Variants in NMNAT3 observed in about 807,000 individuals in gnomAD.
The protein encoded by NMNAT3 is nicotinamide/nicotinic acid mononucleotide adenylyltransferase 3.
A neutral mutation model predicts 24.8 loss-of-function variants in NMNAT3; 21 were observed. That is an observed-to-expected ratio of 0.85 (90% confidence interval 0.60 to 1.22). The LOEUF is 1.22. Among genes scored for constraint, NMNAT3 ranks in the 50% most tolerant of loss-of-function variants. NMNAT3 has a pLI of 0.00. For synonymous variants in NMNAT3, 136 were observed against 155.2 expected, an observed-to-expected ratio of 0.88 and a Z score of 0.92; for missense variants, 387 against 436.6, an observed-to-expected ratio of 0.89 and a Z score of 1.01.
chr3:139,575,866 C>T, intron 5 of NMNAT3: 8 of 1,250,858 alleles, frequency 6.4e-6, no homozygotes, highest in African/African-American at 3.1e-5. Flanking sequence ...ACATCATGTT[C>T]CCAGCCTGCA....
intron 1 of NMNAT3, among the ~76,000 whole-genome samples, chr3:139,675,092 A>G (rs1388112942): frequency 6.9e-6 from 1 of 144,622 alleles, no homozygotes; most frequent in African/African-American, 2.6e-5. Flanking sequence ...AAATGCTTAA[A>G]TACATTAGTC....
chr3:139,610,655 A>G (rs1195069661), intron 3 of NMNAT3, among the ~76,000 whole-genome samples: 3 of 152,218 alleles, frequency 2.0e-5, no homozygotes, highest in Non-Finnish European at 4.4e-5. Flanking sequence ...TGCTGAGCTT[A>G]TATAATATTT....
At chr3:139,669,014 C>T (rs1039352768) in intron 1 of NMNAT3, among the ~76,000 whole-genome samples, 5 of 152,296 alleles carry the variant, frequency 3.3e-5, no homozygotes, top group South Asian at 2.1e-4. Context: ...GAACTTGCTA[C>T]GTGATTTACA....
At chr3:139,586,578 G>C (rs1308879910) in intron 3 of NMNAT3, among the ~76,000 whole-genome samples, 1 of 152,140 alleles carries the variant, frequency 6.6e-6, no homozygotes, top group Non-Finnish European at 1.5e-5. Context: ...ACCCAGCTGA[G>C]AGCAAGGAGG....
At chr3:139,644,632 A>G (rs1357039730) in intron 1 of NMNAT3, among the ~76,000 whole-genome samples, 1 of 152,172 alleles carries the variant, frequency 6.6e-6, no homozygotes, top group Non-Finnish European at 1.5e-5. Context: ...AGAAAAAAGG[A>G]CCATAAATAA....
chr3:139,636,903 T>C (rs1414637349), intron 2 of NMNAT3: 1 of 152,190 alleles, frequency 6.6e-6, no homozygotes, highest in East Asian at 1.9e-4. Context: ...AGAAAGAACA[T>C]GAGGGCAAGA....
chr3:139,596,942 A>C (rs201064080), intron 3 of NMNAT3, among the ~76,000 whole-genome samples: 1 of 127,582 alleles, frequency 7.8e-6, no homozygotes, highest in Non-Finnish European at 1.6e-5. Context: ...ATATATATAT[A>C]TATATATATA....
chr3:139,631,192 G>A (rs747237870), intron 2 of NMNAT3, among the ~76,000 whole-genome samples: 2 of 152,054 alleles, frequency 1.3e-5, no homozygotes, highest in African/African-American at 2.4e-5. Flanking sequence ...GGGCCATATC[G>A]CAGGCTGAAG....
At chr3:139,673,045 C>T (rs897629364) in intron 1 of NMNAT3, among the ~76,000 whole-genome samples, 10 of 152,242 alleles carry the variant, frequency 6.6e-5, no homozygotes, top group African/African-American at 2.4e-4. Context: ...TCAGCAGTGC[C>T]CTTCTTTCCT....
At chr3:139,591,015 C>T (rs1001816652) in intron 3 of NMNAT3, among the ~76,000 whole-genome samples, 6 of 152,192 alleles carry the variant, frequency 3.9e-5, no homozygotes, top group East Asian at 3.9e-4. Context: ...CCAGTGAGAG[C>T]GACACAGAAG....
intron 3 of NMNAT3, among the ~76,000 whole-genome samples, chr3:139,586,919 T>G: frequency 6.6e-6 from 1 of 152,194 alleles, no homozygotes; most frequent in Non-Finnish European, 1.5e-5. Flanking sequence ...GGTGACAGTT[T>G]AGACAGGTAT....
chr3:139,600,868 G>A (rs2054682580), intron 3 of NMNAT3, among the ~76,000 whole-genome samples: 1 of 151,860 alleles, frequency 6.6e-6, no homozygotes, highest in African/African-American at 2.4e-5. Context: ...CTCCTTTTTT[G>A]CAAGCCTCTG....
In NMNAT3 at chr3:139,580,811, A is replaced by T. The variant is rs1219580665; in HGVS notation, c.392-1756T>A. ...TTACTGGCATAAAGTTAGTTGTGAT[A>T]TTCTTTTTTTTTTGGCAATCACCGC... On this transcript the variant is annotated intron_variant, in intron 4 of 6. Transcript: ENST00000643695. 2.1e-5 allele frequency among the ~76,000 whole-genome samples: 3 copies of T among 143,032 alleles called. No homozygotes were observed. In the Admixed American group the frequency reaches 2.3e-4, roughly 11 times the overall value. The allele number at this position is 143,032 out of a possible 152,430, so 93.8% of individuals were successfully genotyped here.
At chr3:139,614,024 T>C (rs1345444651) in intron 3 of NMNAT3, among the ~76,000 whole-genome samples, 1 of 151,866 alleles carries the variant, frequency 6.6e-6, no homozygotes, top group East Asian at 1.9e-4. Flanking sequence ...CATTAGGAGA[T>C]ATACCTAATG....
At chr3:139,572,104 C>G in intron 6 of NMNAT3, 1 of 398,910 alleles carries the variant, frequency 2.5e-6, no homozygotes, top group East Asian at 3.6e-5. Context: ...TGCCTGGACT[C>G]ACCTCCATTC....
chr3:139,665,251 A>G (rs931385008), intron 1 of NMNAT3, among the ~76,000 whole-genome samples: 13 of 152,184 alleles, frequency 8.5e-5, no homozygotes, highest in Non-Finnish European at 1.8e-4. Context: ...AAGAAACCAC[A>G]CAGGCCTTAA....
intron 1 of NMNAT3, among the ~76,000 whole-genome samples, chr3:139,657,252 G>A (rs1252787965): frequency 6.6e-6 from 1 of 152,184 alleles, no homozygotes; most frequent in Non-Finnish European, 1.5e-5. Context: ...AAGATCTTTG[G>A]TATTCAAGAT....
chr3:139,608,638 AC>A (rs1340329116), intron 3 of NMNAT3, among the ~76,000 whole-genome samples: 1 of 152,120 alleles, frequency 6.6e-6, no homozygotes, highest in Non-Finnish European at 1.5e-5. Flanking sequence ...TTACCTAGTT[AC>A]CCCCAATGGT....
intron 1 of NMNAT3, among the ~76,000 whole-genome samples, chr3:139,677,316 C>G (rs909605196): frequency 1.3e-5 from 2 of 152,224 alleles, no homozygotes; most frequent in African/African-American, 2.4e-5. Context: ...ATTTTTTGGC[C>G]TGCTACTGTA....
Sources: gnomAD v4.1 joint callset for allele counts (sites outside exome capture counted in the v4.1 genomes callset) on GRCh38, gnomAD v4.1.1 for gene constraint, MANE v1.5 for transcripts, NCBI Gene and HGNC (gene_info 2026-07-23, HGNC 2026-07-21) for gene names.